The following TRERF1 variants were observed in gnomAD, a reference collection of about 807,000 sequenced individuals.
The protein encoded by TRERF1 is transcriptional-regulating factor 1.
A neutral mutation model predicts 122.9 loss-of-function variants in TRERF1; 27 were observed. The ratio of observed to expected loss-of-function variants is 0.22; its 90% confidence interval spans 0.16 to 0.30. TRERF1 has a LOEUF of 0.30. Among genes scored for constraint, TRERF1 ranks in the 10% least tolerant of loss-of-function variants. The pLI is 1.00. For missense variants in TRERF1, 1,248 were observed against 1,560.3 expected (o/e 0.80, Z 3.37); for synonymous variants, 636 against 641.7 (o/e 0.99, Z 0.13).
At chr6:42,448,075 T>C (rs971627254) in intron 2 of TRERF1, among the ~76,000 whole-genome samples, 1 of 152,174 alleles carries the variant, frequency 6.6e-6, no homozygotes, top group Non-Finnish European at 1.5e-5. Flanking sequence ...AAAATGCCCA[T>C]AGTGAAATAC....
At position 42,288,277 on chromosome 6, in the gene TRERF1, T is replaced by A. The variant is rs191096045; in HGVS notation, c.-259+12361A>T. Among the ~76,000 whole-genome samples the A allele has an allele frequency of 5.3e-5, 8 of 152,034 alleles. No individual in the cohort carries two copies. In the East Asian group the frequency reaches 1.6e-3, roughly 30 times the overall value. On this transcript the variant is annotated intron_variant, in intron 4 of 17. Transcript: ENST00000372922. ...ACACCTGTCATGAGGAGCTATAAGATAGGGCCGAGGGCCGGGCACCGTGGC... is the reference window on the plus strand; with the variant it reads ...ACACCTGTCATGAGGAGCTATAAGAAAGGGCCGAGGGCCGGGCACCGTGGC...
rs1195165825 is a variant in TRERF1 at position 42,268,989 on chromosome 6, T to C, written c.602A>G (p.Tyr201Cys). Residue 201 changes from tyrosine to cysteine, a missense_variant, in exon 5 of 18, where the codon TAC becomes TGC. This residue lies in a region of TRERF1 where 946 missense variants were observed against 1,073.0 expected (regional missense o/e 0.88). Coordinates refer to ENST00000372922, the Ensembl canonical transcript of TRERF1. The surrounding 1 kb of genome is among the most constrained non-coding windows in gnomAD (Gnocchi z 4.4). ...GTGAGGCTGCTGGGGCACCTGCTGGTAGCGGGAAGGGATAGCCGGTGCTGG... is the reference window on the plus strand; with the variant it reads ...GTGAGGCTGCTGGGGCACCTGCTGGCAGCGGGAAGGGATAGCCGGTGCTGG... 1.2e-6 allele frequency: 2 copies of C among 1,612,266 alleles called. No individual in the cohort carries two copies. Among genetic ancestry groups the C allele is most frequent in the African/African-American group, 2.7e-5 (2 of 74,882 alleles).
Position 42,305,374 on chromosome 6 carries a change from C to T in TRERF1, c.-370-4625G>A, listed in dbSNP as rs139016316. On this transcript the variant is annotated intron_variant, in intron 3 of 17. Transcript: ENST00000372922. ...TCTTCCCACAGCCCCACGCTGCTAT[C>T]AGAACCTCAGTTTCCCTTCTATACA... Among the ~76,000 whole-genome samples, 556 of 152,320 alleles carry T rather than the reference C, an allele frequency of 3.7e-3. 4 individuals are homozygous for T. The highest frequency in any genetic ancestry group is 0.013 in the African/African-American group (528 of 41,568).
At chr6:42,363,711 T>C (rs1772208708) in intron 2 of TRERF1, among the ~76,000 whole-genome samples, 1 of 152,136 alleles carries the variant, frequency 6.6e-6, no homozygotes, top group African/African-American at 2.4e-5. Context: ...GGGTTCCTAA[T>C]CCAAAATGAC....
intron 3 of TRERF1, among the ~76,000 whole-genome samples, chr6:42,327,490 G>C (rs754195197): frequency 3.3e-5 from 5 of 152,186 alleles, no homozygotes; most frequent in Middle Eastern, 3.2e-3. Context: ...TCCTAGCACA[G>C]AGCCTAGTCC....
intron 2 of TRERF1, among the ~76,000 whole-genome samples, chr6:42,409,262 T>C (rs1309186541): frequency 2.0e-5 from 3 of 152,134 alleles, no homozygotes; most frequent in East Asian, 3.8e-4. Flanking sequence ...CTGGGTGCAG[T>C]GAGACCCAGT....
Position 42,314,585 on chromosome 6 carries a change from C to T in TRERF1, c.-370-13836G>A, listed in dbSNP as rs1309254651. Among the ~76,000 whole-genome samples the T allele has an allele frequency of 3.9e-5, 6 of 152,022 alleles. No individual in the cohort carries two copies. The East Asian group carries it at 1.2e-3, about 29-fold the overall frequency. On this transcript the variant is annotated intron_variant, in intron 3 of 17. Transcript: ENST00000372922. ...GAGATTTCATTTTAATAGGGAGAAA[C>T]AGAAAATAAAAATTATTATAATTAA...
chr6:42,256,837 GGGAATAA>G lies in TRERF1; in HGVS notation c.2477-13_2477-7del. 6.2e-7 allele frequency: 1 copy of G among 1,614,002 alleles called. No individual in the cohort carries two copies. The highest frequency in any genetic ancestry group is 8.5e-7 in the Non-Finnish European group (1 of 1,179,834). On this transcript the variant is annotated splice_region_variant and splice_polypyrimidine_tract_variant and intron_variant, in intron 11 of 17. Coordinates refer to ENST00000372922, the Ensembl canonical transcript of TRERF1. ...CAAATTCAGAAGATTCTCCACTGTT[GGGAATAA>G]GGAGAAGCCAATGCATCAGAGAGAG...
Position 42,263,298 on chromosome 6 carries a change from G to A in TRERF1, c.1884+22C>T, listed in dbSNP as rs771950353. On this transcript the variant is annotated intron_variant, in intron 8 of 17. Transcript: ENST00000372922. This position sits in a 1 kb window ranked among gnomAD's most constrained non-coding sequence, Gnocchi z 5.6. The stretch of plus-strand genomic sequence containing the variant: ...GGGGCAGCCCCTTGGGGTGAGTGTG[G>A]GGGAGAGAGGGTCATCCTCACGAGC... 2.5e-6 allele frequency: 4 copies of A among 1,601,332 alleles called. No homozygotes were observed. The Admixed American group carries it at 6.8e-5, about 27-fold the overall frequency.
At chr6:42,329,994 A>T (rs921717771) in intron 3 of TRERF1, among the ~76,000 whole-genome samples, 1 of 151,444 alleles carries the variant, frequency 6.6e-6, no homozygotes, top group African/African-American at 2.4e-5. Flanking sequence ...GTCTTGGGGG[A>T]AAAAAAAAGT....
intron 3 of TRERF1, among the ~76,000 whole-genome samples, chr6:42,347,691 C>T (rs755124675): frequency 1.3e-5 from 2 of 152,082 alleles, no homozygotes; most frequent in African/African-American, 4.8e-5. Flanking sequence ...AAAAGAAAAG[C>T]GGTAAGACCA....
intron 3 of TRERF1, among the ~76,000 whole-genome samples, chr6:42,329,505 C>A (rs1562000223): frequency 6.6e-6 from 1 of 152,178 alleles, no homozygotes; most frequent in Non-Finnish European, 1.5e-5. Context: ...CGTGCCTAAG[C>A]AACCCCCAGA....
chr6:42,329,870 T>C (rs1003570736), intron 3 of TRERF1, among the ~76,000 whole-genome samples: 1 of 151,920 alleles, frequency 6.6e-6, no homozygotes, highest in Non-Finnish European at 1.5e-5. Context: ...GCGCCTGTAA[T>C]CCCAGCTACT....
chr6:42,300,200 C>T (rs1195246593), intron 4 of TRERF1, among the ~76,000 whole-genome samples: 1 of 152,240 alleles, frequency 6.6e-6, no homozygotes, highest in African/African-American at 2.4e-5. Flanking sequence ...TGGCTGGAAA[C>T]TGGCCTGACT....
At chr6:42,291,991 T>C (rs1424281511) in intron 4 of TRERF1, among the ~76,000 whole-genome samples, 1 of 152,146 alleles carries the variant, frequency 6.6e-6, no homozygotes, top group African/African-American at 2.4e-5. Flanking sequence ...TCCACTGGCA[T>C]AGTGAGTCCC....
chr6:42,228,784 G>A lies in TRERF1; in HGVS notation c.3279-115C>T, dbSNP rs967491990. ...GGTCTGACAAAGTCCCTGGCTGCTC[G>A]GCTTCTAGGACCTCCTTCCCCTGTG... On this transcript the variant is annotated intron_variant, in intron 17 of 17. Transcript: ENST00000372922. This position sits in a 1 kb window ranked among gnomAD's most constrained non-coding sequence, Gnocchi z 4.2. 35 of 1,031,408 alleles carry A rather than the reference G, an allele frequency of 3.4e-5. No homozygotes were observed. Among genetic ancestry groups the A allele is most frequent in the Admixed American group, 4.6e-5 (2 of 43,122 alleles). 63.9% of individuals were successfully genotyped at this position (1,031,408 alleles called of 1,614,324 possible).
At chr6:42,272,474 C>T (rs373779319) in intron 4 of TRERF1, among the ~76,000 whole-genome samples, 20 of 152,302 alleles carry the variant, frequency 1.3e-4, no homozygotes, top group Admixed American at 3.3e-4. Flanking sequence ...TGGTCCAGGT[C>T]CCCTGGGAGC....
At chr6:42,350,975 A>T (rs57630553) in intron 3 of TRERF1, among the ~76,000 whole-genome samples, 9,575 of 151,166 alleles carry the variant, frequency 0.063, 757 homozygotes, top group East Asian at 0.18. Context: ...TCTCTCTCTC[A>T]CTCTCTCCCT....
In TRERF1 at chr6:42,258,144, T is replaced by C. The variant is rs767087776; in HGVS notation, c.2327A>G (p.Asp776Gly). ...ATTGACTTTTCCTTACGGTTCAACA[T>C]CTACAGTCTGCTCTCCAGGCCCTGG... Residue 776 changes from aspartate to glycine, a missense_variant, in exon 10 of 18, where the codon GAT becomes GGT. Around this residue, in one of 5 missense-constraint regions of TRERF1, gnomAD observed 946 missense variants for 1,073.0 expected, o/e 0.88. Coordinates refer to ENST00000372922, the Ensembl canonical transcript of TRERF1. 5 of 1,614,172 alleles carry C rather than the reference T, an allele frequency of 3.1e-6. No individual in the cohort carries two copies. In the South Asian group the frequency reaches 5.5e-5, roughly 18 times the overall value.
Sources: gnomAD v4.1 joint callset for allele counts (sites outside exome capture counted in the v4.1 genomes callset) on GRCh38, gnomAD v4.1.1 for gene constraint, gnomAD v4.1.1 regional missense constraint, Gnocchi (gnomAD v3.1) non-coding constraint, MANE v1.5 for transcripts, NCBI Gene and HGNC (gene_info 2026-07-23, HGNC 2026-07-21) for gene names.